CAST: variants seen among roughly 807,000 people sequenced by gnomAD.
CAST encodes the protein MIR583 host.
CAST carries 76 observed loss-of-function variants against 119.6 expected under a neutral mutation model. That is an observed-to-expected ratio of 0.64 (90% CI 0.53 to 0.77). CAST has a LOEUF of 0.77. CAST is among the 30% of genes least tolerant of loss of function. The pLI is 0.00. For missense variants in CAST, 953 were observed against 946.5 expected (o/e 1.01, Z -0.09); for synonymous variants, 319 against 331.6 (o/e 0.96, Z 0.41).
chr5:96,608,693 T>C (rs1368416054), intron 1 of CAST, among the ~76,000 whole-genome samples: 1 of 152,068 alleles, frequency 6.6e-6, no homozygotes, highest in African/African-American at 2.4e-5. Context: ...GACTGGGTAA[T>C]TAATAAAGAA....
intron 1 of CAST, among the ~76,000 whole-genome samples, chr5:96,534,695 G>T (rs545014522): frequency 1.5e-5 from 1 of 64,862 alleles, no homozygotes; most frequent in African/African-American, 5.7e-5. Context: ...AGAGAGGAAG[G>T]AAGGAAGGAA....
the CAST span, among the ~76,000 whole-genome samples, chr5:96,249,899 C>G: frequency 1.5e-4 from 23 of 152,268 alleles, no homozygotes; most frequent in Non-Finnish European, 2.6e-4. Flanking sequence ...ATGCTTGAAC[C>G]CTTCTAGCGA....
At chr5:96,284,445 A>G in the CAST span, among the ~76,000 whole-genome samples, 1 of 152,244 alleles carries the variant, frequency 6.6e-6, no homozygotes, top group East Asian at 1.9e-4. Flanking sequence ...CATGGGGTTA[A>G]CTATTACTGA....
At chr5:96,236,220 T>G in the CAST span, among the ~76,000 whole-genome samples, 1 of 152,200 alleles carries the variant, frequency 6.6e-6, no homozygotes, top group South Asian at 2.1e-4. Context: ...AACAGTTTTG[T>G]GGAAATCCCA....
At chr5:96,620,926 T>A (rs1747590784) in intron 1 of CAST, among the ~76,000 whole-genome samples, 1 of 152,208 alleles carries the variant, frequency 6.6e-6, no homozygotes, top group African/African-American at 2.4e-5. Context: ...CCGTATGTGG[T>A]TTGAGTCCAT....
the CAST span, chr5:95,961,643 T>A: frequency 6.2e-7 from 1 of 1,610,356 alleles, no homozygotes. Flanking sequence ...AGTACGGTGA[T>A]GTTGTCCTGC....
chr5:96,750,662 C>A lies in CAST; in HGVS notation c.1504C>A (p.Pro502Thr). ...CTCCATGTGTAGTATACAGTCAGCA[C>A]CCCCTGAGCCGGCTACCTTGGTGAG... ...RTSMCSIQSA[P>T]PEPATLKGTV... Residue 502 changes from proline to threonine, a missense_variant, in exon 20 of 32, where the codon CCC (proline) becomes ACC (threonine). By Grantham distance (38) the Pro-to-Thr change is conservative. Coordinates refer to ENST00000675179, the MANE Select transcript of CAST (RefSeq NM_001750.7). The A allele has an allele frequency of 5.0e-6, 8 of 1,612,242 alleles. No individual in the cohort carries two copies. Among genetic ancestry groups the A allele is most frequent in the Non-Finnish European group, 6.8e-6 (8 of 1,178,532 alleles).
the CAST span, among the ~76,000 whole-genome samples, chr5:96,453,023 C>G: frequency 6.8e-6 from 1 of 146,248 alleles, no homozygotes; most frequent in Non-Finnish European, 1.5e-5. Flanking sequence ...TCCGAGTAAC[C>G]AAGGAATGAC....
the CAST span, among the ~76,000 whole-genome samples, chr5:96,034,213 A>T: frequency 4.6e-5 from 7 of 152,244 alleles, no homozygotes; most frequent in South Asian, 1.5e-3. Flanking sequence ...GCTCACTATC[A>T]TTTATCATCA....
At chr5:96,572,263 C>T (rs1388428811) in intron 1 of CAST, among the ~76,000 whole-genome samples, 2 of 151,564 alleles carry the variant, frequency 1.3e-5, no homozygotes, top group African/African-American at 2.4e-5. Context: ...TGCAGTGGCA[C>T]GATCTCGGCT....
chr5:96,461,646 A>G, the CAST span, among the ~76,000 whole-genome samples: 1 of 152,088 alleles, frequency 6.6e-6, no homozygotes, highest in South Asian at 2.1e-4. Context: ...ATTTTGTTTT[A>G]TCATCTGATC....
At chr5:96,503,495 A>G in the CAST span, among the ~76,000 whole-genome samples, 2 of 152,142 alleles carry the variant, frequency 1.3e-5, no homozygotes, top group Non-Finnish European at 2.9e-5. Flanking sequence ...AGAAAGGGGG[A>G]AAGAAAGCTC....
At chr5:96,672,229 G>GTCTC (rs139068540) in intron 1 of CAST, among the ~76,000 whole-genome samples, 5 of 149,754 alleles carry the variant, frequency 3.3e-5, no homozygotes, top group African/African-American at 7.3e-5. Context: ...CTCTCTCTCT[G>GTCTC]TCTCTCTCTC....
chr5:96,711,622 T>C (rs993831904), intron 3 of CAST, among the ~76,000 whole-genome samples: 1 of 152,206 alleles, frequency 6.6e-6, no homozygotes, highest in Non-Finnish European at 1.5e-5. Flanking sequence ...TCAAATAACT[T>C]ACCCTAGGTC....
the CAST span, among the ~76,000 whole-genome samples, chr5:96,280,115 A>G: frequency 6.6e-6 from 1 of 152,160 alleles, no homozygotes; most frequent in Non-Finnish European, 1.5e-5. Context: ...TGAAATGGTA[A>G]ATTATTAAAA....
chr5:95,980,463 A>G, the CAST span: 42 of 152,284 alleles, frequency 2.8e-4, no homozygotes, highest in African/African-American at 9.6e-4. Context: ...TTGATTCCCA[A>G]TGGCCTCTGT....
At chr5:96,613,930 C>T (rs1419430801) in intron 1 of CAST, among the ~76,000 whole-genome samples, 1 of 152,054 alleles carries the variant, frequency 6.6e-6, no homozygotes, top group Non-Finnish European at 1.5e-5. Context: ...TACTGGGTGC[C>T]TTATACTGTT....
chr5:96,393,891 G>C, the CAST span, among the ~76,000 whole-genome samples: 9 of 152,220 alleles, frequency 5.9e-5, no homozygotes, highest in Non-Finnish European at 1.2e-4. Context: ...AGGCTGGGGA[G>C]GAGGGAGCTG....
the CAST span, among the ~76,000 whole-genome samples, chr5:96,167,886 AGTGGGTGGG>A: frequency 6.6e-6 from 1 of 152,138 alleles, no homozygotes; most frequent in East Asian, 1.9e-4. Context: ...TGTGTAGGGA[AGTGGGTGGG>A]GGGGCCTGAA....
Sources: allele counts gnomAD v4.1 joint callset (sites outside exome capture counted in the v4.1 genomes callset), GRCh38; gene constraint gnomAD v4.1.1; transcripts MANE v1.5; gene names NCBI Gene and HGNC (gene_info 2026-07-23, HGNC 2026-07-21).